The following PAQR5 variants were observed in gnomAD, a reference collection of about 807,000 sequenced individuals.
The protein encoded by PAQR5 is progestin and adipoQ receptor family member 5.
Under a neutral mutation model 34.5 loss-of-function variants are expected in PAQR5, and 20 were observed. The ratio of observed to expected loss-of-function variants is 0.58; its 90% CI spans 0.41 to 0.84. PAQR5 has a LOEUF of 0.84. PAQR5 is among the 40% of genes least tolerant of loss of function. The pLI is 0.00. For missense variants in PAQR5, 378 were observed against 412.7 expected (o/e 0.92, Z 0.73); for synonymous variants, 131 against 155.6 (o/e 0.84, Z 1.18).
At chr15:69,299,809 A>G (rs942899979) in intron 1 of PAQR5, among the ~76,000 whole-genome samples, 3 of 152,334 alleles carry the variant, frequency 2.0e-5, no homozygotes, top group African/African-American at 7.2e-5. Context: ...GGCTCAGCTT[A>G]GTGGGAGTCG....
intron 1 of PAQR5, among the ~76,000 whole-genome samples, chr15:69,311,379 C>T (rs1390533214): frequency 6.6e-6 from 1 of 152,120 alleles, no homozygotes. Flanking sequence ...CTGATGAAGC[C>T]TGGAACCTGA....
intron 2 of PAQR5, among the ~76,000 whole-genome samples, chr15:69,341,457 A>G (rs960658202): frequency 2.0e-5 from 3 of 148,906 alleles, no homozygotes; most frequent in African/African-American, 7.4e-5. Context: ...CCTGAGCTCA[A>G]GTAGTCCCCC....
chr15:69,306,089 A>T (rs1367396988), intron 1 of PAQR5, among the ~76,000 whole-genome samples: 1 of 152,094 alleles, frequency 6.6e-6, no homozygotes, highest in Non-Finnish European at 1.5e-5. Context: ...CCTCAGTCTC[A>T]GAGGGAAGAC....
chr15:69,342,254 G>C (rs1294175010), intron 2 of PAQR5, among the ~76,000 whole-genome samples: 1 of 150,024 alleles, frequency 6.7e-6, no homozygotes, highest in African/African-American at 2.5e-5. Flanking sequence ...TGTGCCTATT[G>C]GTTGTTTGTT....
At chr15:69,324,449 A>T (rs991131252) in intron 1 of PAQR5, among the ~76,000 whole-genome samples, 2 of 152,216 alleles carry the variant, frequency 1.3e-5, no homozygotes, top group African/African-American at 2.4e-5. Context: ...AGAGCCGTTG[A>T]AACTTTTATG....
chr15:69,403,469 CT>C lies in PAQR5; in HGVS notation c.752-111del, dbSNP rs2056697559. 15 of 939,518 alleles carry C rather than the reference CT, an allele frequency of 1.6e-5. 1 individual carries two copies. The South Asian group carries it at 2.2e-4, about 14-fold the overall frequency. 58.2% of individuals were successfully genotyped at this position (939,518 alleles called of 1,614,324 possible). On this transcript the variant is annotated intron_variant, in intron 8 of 8. Transcript: ENST00000395407. ...CTGGAGATTTTATATAATATGTGGT[CT>C]CCTGTCTGGTTTCTTTCACTTAGCA...
Position 69,385,026 on chromosome 15 carries a change from T to G in PAQR5, c.385+144T>G. The G allele has an allele frequency of 1.6e-6, 1 of 637,400 alleles. No individual in the cohort carries two copies. Among genetic ancestry groups the G allele is most frequent in the Non-Finnish European group, 2.8e-6 (1 of 359,892 alleles). The allele number at this position is 637,400 out of a possible 1,614,324, so 39.5% of individuals were successfully genotyped here. A position where few individuals can be genotyped will look rare whatever the true frequency, so the allele number is the denominator to read the frequency against. On this transcript the variant is annotated intron_variant, in intron 5 of 8. Transcript: ENST00000395407. This position sits in a 1 kb window ranked among gnomAD's most constrained non-coding sequence, Gnocchi z 4.7. ...CCAGTGCCCCTGTCCAGGTTCCCAA[T>G]GGGTGTTTTATAAGAAACTGTCCAT...
intron 2 of PAQR5, among the ~76,000 whole-genome samples, chr15:69,339,500 T>C (rs1406069299): frequency 6.6e-6 from 1 of 152,082 alleles, no homozygotes; most frequent in African/African-American, 2.4e-5. Context: ...TGAGACAGAG[T>C]CTTGTTCTGT....
At chr15:69,348,091 A>G (rs2140772969) in intron 2 of PAQR5, among the ~76,000 whole-genome samples, 1 of 151,456 alleles carries the variant, frequency 6.6e-6, no homozygotes. Context: ...CTCCCTCCAC[A>G]GACCTTCAGG....
chr15:69,318,619 C>T (rs998808783), intron 1 of PAQR5, among the ~76,000 whole-genome samples: 2 of 151,936 alleles, frequency 1.3e-5, no homozygotes, highest in African/African-American at 4.8e-5. Context: ...GGGGCACCTG[C>T]TTTTCACCTT....
intron 3 of PAQR5, among the ~76,000 whole-genome samples, chr15:69,372,542 C>CAAACA (rs974196533): frequency 9.2e-5 from 14 of 152,176 alleles, no homozygotes; most frequent in Middle Eastern, 3.4e-3. Flanking sequence ...GACTCTGTCT[C>CAAACA]AAACAAAACA....
intron 8 of PAQR5, among the ~76,000 whole-genome samples, chr15:69,402,340 C>T (rs190783660): frequency 7.6e-4 from 114 of 149,280 alleles, no homozygotes; most frequent in African/African-American, 1.2e-3. Flanking sequence ...TTTTTTGAGA[C>T]GGAGTCTCGC....
intron 1 of PAQR5, among the ~76,000 whole-genome samples, chr15:69,319,546 C>T (rs1284846647): frequency 1.3e-5 from 2 of 152,008 alleles, no homozygotes; most frequent in African/African-American, 2.4e-5. Flanking sequence ...TCAGAAGGTT[C>T]GAGATAGGCC....
intron 3 of PAQR5, among the ~76,000 whole-genome samples, chr15:69,365,167 C>T (rs564063391): frequency 1.1e-4 from 16 of 151,682 alleles, no homozygotes; most frequent in African/African-American, 3.6e-4. Flanking sequence ...AGTGCAGTGG[C>T]GCAATCTCGG....
intron 4 of PAQR5, chr15:69,380,356 A>G: frequency 4.3e-6 from 1 of 232,958 alleles, no homozygotes; most frequent in Non-Finnish European, 8.4e-6. Context: ...AAATGTCACT[A>G]GTTTGAGCAA....
At position 69,385,936 on chromosome 15, in the gene PAQR5, TAC is replaced by T. The variant is rs752888830; in HGVS notation, c.385+1060_385+1061del. On this transcript the variant is annotated intron_variant, in intron 5 of 8. Coordinates refer to ENST00000395407, the MANE Select transcript of PAQR5 (RefSeq NM_017705.4). The surrounding 1 kb of genome is among the most constrained non-coding windows in gnomAD (Gnocchi z 4.7). ...CTCACATACACACACTCACACCACATACACACAATACACTCACATGCACACTC... is the reference window on the plus strand; with the variant it reads ...CTCACATACACACACTCACACCACATACACAATACACTCACATGCACACTC... 6.8e-6 allele frequency among the ~76,000 whole-genome samples: 1 copy of T among 146,762 alleles called. No individual in the cohort carries two copies. The highest frequency in any genetic ancestry group is 1.5e-5 in the Non-Finnish European group (1 of 66,534).
intron 3 of PAQR5, among the ~76,000 whole-genome samples, chr15:69,361,486 A>G (rs937771666): frequency 2.0e-5 from 3 of 152,206 alleles, no homozygotes; most frequent in Admixed American, 2.0e-4. Context: ...ACACTGCTAT[A>G]AAGAACTGCC....
rs1041749075 is a variant in PAQR5 at position 69,400,229 on chromosome 15, C to A, written c.751+114C>A. The A allele has an allele frequency of 5.8e-6, 6 of 1,031,772 alleles. No homozygotes were observed. In the East Asian group the frequency reaches 1.2e-4, roughly 21 times the overall value. The allele number at this position is 1,031,772 out of a possible 1,614,324, so 63.9% of individuals were successfully genotyped here. On this transcript the variant is annotated intron_variant, in intron 8 of 8. Transcript: ENST00000395407. ...GGGCAGGGAAGGGCAGAGAGAGAGG[C>A]CAAGGCGAGTAACATTGCAAGTTGA...
At position 69,390,344 on chromosome 15, in the gene PAQR5, A is replaced by ATTTTTT. The variant is rs201375546; in HGVS notation, c.512+567_512+568insTTTTTT. 2.4e-4 allele frequency among the ~76,000 whole-genome samples: 29 copies of ATTTTTT among 119,066 alleles called. 1 individual carries two copies. In the Middle Eastern group the frequency reaches 0.013, roughly 55 times the overall value. 78.1% of individuals were successfully genotyped at this position (119,066 alleles called of 152,430 possible). A position where few individuals can be genotyped will look rare whatever the true frequency, so the allele number is the denominator to read the frequency against. ...TTTTTATTTATTTATTTATTTATTT[A>ATTTTTT]TTTATTTATTTATTTATTTTTTTGA... is the stretch of plus-strand genomic sequence containing the variant. On this transcript the variant is annotated intron_variant, in intron 6 of 8. Transcript: ENST00000395407.
Sources: allele counts gnomAD v4.1 joint callset (sites outside exome capture counted in the v4.1 genomes callset), GRCh38; gene constraint gnomAD v4.1.1; non-coding constraint Gnocchi (gnomAD v3.1); transcripts MANE v1.5; gene names NCBI Gene and HGNC (gene_info 2026-07-23, HGNC 2026-07-21).